AK5: variants seen among roughly 807,000 people sequenced by gnomAD.
AK5 encodes the protein adenylate kinase isoenzyme 5.
A neutral mutation model predicts 69.5 loss-of-function variants in AK5; 27 were observed. The observed-to-expected ratio is 0.39, with a 90% CI of 0.29 to 0.54. The LOEUF is 0.54. Ranked by LOEUF, AK5 falls within the 20% of genes least tolerant of loss-of-function variation. The probability of loss-of-function intolerance (pLI) is 0.71; values close to 1 mark genes in which losing one functional copy is unlikely to be tolerated. For synonymous variants in AK5, 260 were observed against 244.4 expected (o/e 1.06, Z -0.60); for missense variants, 531 against 700.4 (o/e 0.76, Z 2.73).
chr1:77,547,537 G>A (rs1221970108), intron 13 of AK5, among the ~76,000 whole-genome samples: 1 of 152,016 alleles, frequency 6.6e-6, no homozygotes, highest in Non-Finnish European at 1.5e-5. Flanking sequence ...CTCTCAAAGT[G>A]CTGGGATTAC....
chr1:77,351,967 T>G (rs1466261363), intron 6 of AK5, among the ~76,000 whole-genome samples: 1 of 150,878 alleles, frequency 6.6e-6, no homozygotes, highest in Non-Finnish European at 1.5e-5. Context: ...TTCGCTCTTG[T>G]TGCCCAGGCT....
At chr1:77,371,346 G>A (rs1285655443) in intron 6 of AK5, 1 of 152,214 alleles carries the variant, frequency 6.6e-6, no homozygotes, top group Non-Finnish European at 1.5e-5. Context: ...AGAGGACGAA[G>A]GGGCTCAATA....
At chr1:77,535,557 C>A (rs548795083) in intron 12 of AK5, among the ~76,000 whole-genome samples, 1 of 152,258 alleles carries the variant, frequency 6.6e-6, no homozygotes, top group Admixed American at 6.5e-5. Flanking sequence ...CCTTTCTTCT[C>A]AGTGCAGAAG....
At chr1:77,451,250 A>G (rs886513560) in intron 8 of AK5, among the ~76,000 whole-genome samples, 3 of 152,250 alleles carry the variant, frequency 2.0e-5, no homozygotes, top group Non-Finnish European at 4.4e-5. Context: ...TACAAAAAGT[A>G]TAAAGAAGAA....
At chr1:77,441,826 A>G (rs1462500131) in intron 8 of AK5, among the ~76,000 whole-genome samples, 1 of 151,892 alleles carries the variant, frequency 6.6e-6, no homozygotes, top group Non-Finnish European at 1.5e-5. Flanking sequence ...TGTGCTCAAG[A>G]TCTCTCAAAC....
At chr1:77,555,809 G>A (rs1000583304) in intron 13 of AK5, among the ~76,000 whole-genome samples, 5 of 152,250 alleles carry the variant, frequency 3.3e-5, no homozygotes, top group East Asian at 1.9e-4. Flanking sequence ...ACCACTGAGC[G>A]TGAGCTCTTG....
chr1:77,441,979 TGCCCTGGGAGGCAGGGCACA>T (rs1365901987), intron 8 of AK5, among the ~76,000 whole-genome samples: 1 of 152,186 alleles, frequency 6.6e-6, no homozygotes, highest in African/African-American at 2.4e-5. Flanking sequence ...GCTGTGATTC[TGCCCTGGGAGGCAGGGCACA>T]GCCCTGGCCT....
chr1:77,459,802 A>T (rs148185802), intron 8 of AK5, among the ~76,000 whole-genome samples: 1,538 of 152,352 alleles, frequency 0.01, 14 homozygotes, highest in Non-Finnish European at 0.015. Flanking sequence ...TTAGAAAAGG[A>T]AGTGGGAAGA....
intron 7 of AK5, among the ~76,000 whole-genome samples, chr1:77,416,962 T>G (rs1650470437): frequency 6.6e-6 from 1 of 152,182 alleles, no homozygotes; most frequent in African/African-American, 2.4e-5. Context: ...GAAGTCCCAT[T>G]GTAAAAATTA....
intron 5 of AK5, among the ~76,000 whole-genome samples, chr1:77,303,090 C>CA (rs1659430451): frequency 1.3e-5 from 2 of 152,272 alleles, no homozygotes; most frequent in Non-Finnish European, 2.9e-5. Context: ...GACACAATGA[C>CA]ACAGTAGCAT....
intron 5 of AK5, among the ~76,000 whole-genome samples, chr1:77,316,328 AT>A (rs144569381): frequency 0.019 from 2,823 of 148,642 alleles, 85 homozygotes; most frequent in African/African-American, 0.065. Flanking sequence ...CTATCTGTTC[AT>A]TTTTTTTTTC....
chr1:77,499,869 CATTTTTT>C (rs1485801528), intron 10 of AK5, among the ~76,000 whole-genome samples: 3,783 of 78,488 alleles, frequency 0.048, 299 homozygotes, highest in East Asian at 0.18. Flanking sequence ...GCCCTTTTTC[CATTTTTT>C]TTTTTTTTTT....
chr1:77,299,680 T>C (rs1168439816), intron 5 of AK5, among the ~76,000 whole-genome samples: 3 of 152,162 alleles, frequency 2.0e-5, no homozygotes, highest in Admixed American at 6.5e-5. Context: ...CCACATTATA[T>C]TGCTGTTGAA....
At chr1:77,290,360 T>C (rs890479007) in intron 2 of AK5, among the ~76,000 whole-genome samples, 5 of 152,244 alleles carry the variant, frequency 3.3e-5, no homozygotes, top group African/African-American at 1.2e-4. Context: ...GCATACTGAT[T>C]ATTTCTAGAA....
At position 77,388,446 on chromosome 1, in the gene AK5, C is replaced by T. The variant is rs113596905; in HGVS notation, c.892-22535C>T. ...GTGTATTATCTCTGAATTATCATCA[C>T]CCCAAGCACTGTCCTCTGTCAGTAA... On this transcript the variant is annotated intron_variant, in intron 6 of 13. Coordinates refer to ENST00000354567, the MANE Select transcript of AK5 (RefSeq NM_174858.3). Among the ~76,000 whole-genome samples, 149 of 152,304 alleles carry T rather than the reference C, an allele frequency of 9.8e-4. 1 individual carries two copies. Among genetic ancestry groups the T allele is most frequent in the African/African-American group, 3.5e-3 (147 of 41,574 alleles).
chr1:77,455,389 G>T (rs942807903), intron 8 of AK5, among the ~76,000 whole-genome samples: 1 of 152,150 alleles, frequency 6.6e-6, no homozygotes, highest in Non-Finnish European at 1.5e-5. Flanking sequence ...AAGCTGCCTT[G>T]CCCATCCCAC....
intron 6 of AK5, among the ~76,000 whole-genome samples, chr1:77,389,681 G>A (rs1228615156): frequency 6.6e-6 from 1 of 152,126 alleles, no homozygotes. Flanking sequence ...GTTTTTTAAG[G>A]CTGGGCACGA....
intron 6 of AK5, among the ~76,000 whole-genome samples, chr1:77,393,430 G>T (rs1648618214): frequency 6.6e-6 from 1 of 152,100 alleles, no homozygotes; most frequent in South Asian, 2.1e-4. Flanking sequence ...TGCTATTGTG[G>T]CTTTTCTTTT....
chr1:77,327,822 A>G (rs1660883277), intron 5 of AK5, among the ~76,000 whole-genome samples: 1 of 152,224 alleles, frequency 6.6e-6, no homozygotes, highest in African/African-American at 2.4e-5. Flanking sequence ...CATAAAGGGC[A>G]CATAATTATA....
Sources: gnomAD v4.1 joint callset for allele counts (sites outside exome capture counted in the v4.1 genomes callset) on GRCh38, gnomAD v4.1.1 for gene constraint, MANE v1.5 for transcripts, NCBI Gene and HGNC (gene_info 2026-07-23, HGNC 2026-07-21) for gene names.